KIF20B: variants seen among roughly 807,000 people sequenced by gnomAD.
KIF20B encodes the protein kinesin family member 20B.
KIF20B carries 188 observed loss-of-function variants against 232.5 expected under a neutral mutation model. The observed-to-expected ratio is 0.81, with a 90% confidence interval of 0.72 to 0.91. The LOEUF is 0.91. Among genes scored for constraint, KIF20B ranks in the 40% least tolerant of loss-of-function variants. The pLI, the probability that KIF20B is intolerant of heterozygous loss-of-function variation, is 0.00. For synonymous variants in KIF20B, 712 were observed against 683.0 expected (o/e 1.04, Z -0.66); for missense variants, 2,154 against 2,055.9 (o/e 1.05, Z -0.92).
intron 11 of KIF20B, 64 bp downstream of exon 11, chr10:89,717,786 T>G (rs1842965713): frequency 8.1e-7 from 1 of 1,233,678 alleles, no homozygotes; most frequent in African/African-American, 1.5e-5. Flanking sequence ...TTCAACTTTT[T>G]TGTTTTTAGA....
intron 4 of KIF20B, 45 bp from the exon 5 acceptor site, chr10:89,709,882 T>C (rs1392756596): frequency 6.6e-7 from 1 of 1,515,886 alleles, no homozygotes; most frequent in Non-Finnish European, 8.9e-7. Context: ...CTATTAATAT[T>C]AACTTGAATT....
In KIF20B at chr10:89,718,691, C is replaced by T; in HGVS notation, c.1272-19C>T. The T allele has an allele frequency of 1.3e-6, 2 of 1,591,984 alleles. No individual in the cohort carries two copies. Among genetic ancestry groups the T allele is most frequent in the Non-Finnish European group, 1.7e-6 (2 of 1,168,670 alleles). On this transcript the variant is annotated intron_variant, in intron 11 of 32. Transcript: ENST00000371728. ...GATGTTTTTTAACTTACAATGTTTT[C>T]TGAAAATTTTTTCTGTAGGTTTCAA...
chr10:89,710,206 C>A, intron 5 of KIF20B, 141 bp downstream of exon 5: 4 of 564,578 alleles, frequency 7.1e-6, no homozygotes, highest in Non-Finnish European at 1.1e-5. Context: ...CATATTATTA[C>A]GTATTGCTGT....
chr10:89,751,463 T>A lies in KIF20B; in HGVS notation c.4214T>A (p.Leu1405Gln). 1 of 1,602,532 alleles carries A rather than the reference T, an allele frequency of 6.2e-7. No homozygotes were observed. The highest frequency in any genetic ancestry group is 8.5e-7 in the Non-Finnish European group (1 of 1,175,896). The change falls in exon 24 of 33, where the codon CTG becomes CAG. Residue 1405 changes from leucine to glutamine, a missense_variant. Transcript: ENST00000371728. The part of the protein sequence containing the change: ...LEAKLEEVER[L>Q]ATELEKWKEK... ...GCTAAATTAGAGGAAGTTGAAAGGC[T>A]GGCCACAGGTAAAACAAGATTGCTT... is the stretch of plus-strand genomic sequence containing the variant.
At chr10:89,705,513 G>C in intron 2 of KIF20B, 72 bp downstream of exon 2, 1 of 1,345,574 alleles carries the variant, frequency 7.4e-7, no homozygotes, top group Non-Finnish European at 1.0e-6. Context: ...ACAATGGCCT[G>C]TTTTTGTATT....
In KIF20B at chr10:89,751,262, A is replaced by T. The variant is rs577897243; in HGVS notation, c.4097-84A>T. 82 of 1,114,302 alleles carry T rather than the reference A, an allele frequency of 7.4e-5. No individual in the cohort carries two copies. The African/African-American group carries it at 1.0e-3, about 14-fold the overall frequency. 69.0% of individuals were successfully genotyped at this position (1,114,302 alleles called of 1,614,324 possible). On this transcript the variant is annotated intron_variant, in intron 23 of 32. Coordinates refer to ENST00000371728, the MANE Select transcript of KIF20B (RefSeq NM_001284259.2). ...TAATATTCTATTACAGTTAATAAAA[A>T]TGTATTTTAATTTTAGAAGAACTTA...
chr10:89,726,044 T>G (rs573989201), intron 15 of KIF20B, among the ~76,000 whole-genome samples: 51 of 152,346 alleles, frequency 3.3e-4, no homozygotes, highest in African/African-American at 1.2e-3. Flanking sequence ...ATCATAATTG[T>G]TCTATAATGA....
chr10:89,758,776 T>C lies in KIF20B; in HGVS notation c.4574T>C (p.Leu1525Pro). The change falls in exon 27 of 33, where the codon CTG becomes CCG. Residue 1525 changes from leucine (L) to proline (P), a missense_variant. Physicochemically the swap from Leu to Pro is moderately conservative, Grantham distance 98 (BLOSUM62 -3). Transcript: ENST00000371728. Reference sequence around the variant, plus strand: ...AAGTGGCGAGAAGAACGAGATCAACTGGTTGCAGCTTTAGAAATACAGCTA... The same window carrying C: ...AAGTGGCGAGAAGAACGAGATCAACCGGTTGCAGCTTTAGAAATACAGCTA... Reference protein sequence around the residue: ...LQKWREERDQLVAALEIQLKA... With the variant: ...LQKWREERDQPVAALEIQLKA... The C allele has an allele frequency of 1.2e-6, 2 of 1,608,630 alleles. No homozygotes were observed. The highest frequency in any genetic ancestry group is 1.1e-5 in the South Asian group (1 of 90,228).
At chr10:89,720,498 C>T (rs932993066) in intron 13 of KIF20B, among the ~76,000 whole-genome samples, 2 of 152,110 alleles carry the variant, frequency 1.3e-5, no homozygotes, top group African/African-American at 2.4e-5. Flanking sequence ...TACTTATAGA[C>T]CATGTGAGTA....
intron 3 of KIF20B, 41 bp from the exon 4 acceptor site, chr10:89,709,304 G>T (rs776677145): frequency 1.3e-6 from 2 of 1,585,654 alleles, no homozygotes; most frequent in African/African-American, 2.7e-5. Context: ...ATTTAAAATG[G>T]CAAAATACTA....
intron 30 of KIF20B, 29 bp from the exon 31 acceptor site, chr10:89,768,709 A>G (rs1251688146): frequency 6.4e-7 from 1 of 1,556,828 alleles, no homozygotes; most frequent in Admixed American, 2.1e-5. Flanking sequence ...CTTCTCATCA[A>G]CAATAACAAA....
chr10:89,738,212 TGAAA>T lies in KIF20B; in HGVS notation c.3375_3378del (p.Glu1126AsnfsTer16). 3 of 1,602,698 alleles carry T rather than the reference TGAAA, an allele frequency of 1.9e-6. No homozygotes were observed. The highest frequency in any genetic ancestry group is 2.5e-6 in the Non-Finnish European group (3 of 1,177,762). On this transcript the variant is annotated frameshift_variant, in exon 20 of 33. Transcript: ENST00000371728. LOFTEE classifies it high-confidence loss of function. ...GAAAAAGAAACTCTTATACAGCAGC[TGAAA>T]GAAGAATTGCAAGAAAAAAATGTTA...
intron 22 of KIF20B, among the ~76,000 whole-genome samples, chr10:89,745,479 C>T (rs952026804): frequency 3.9e-5 from 6 of 152,096 alleles, no homozygotes; most frequent in African/African-American, 1.2e-4. Context: ...GCCAAGATTG[C>T]GCCACTGCGC....
rs184153977 is a variant in KIF20B at position 89,704,537 on chromosome 10, A to C, written c.-1-757A>C. Among the ~76,000 whole-genome samples, 121 of 149,822 alleles carry C rather than the reference A, an allele frequency of 8.1e-4. 1 individual carries two copies. Among genetic ancestry groups the C allele is most frequent in the Non-Finnish European group, 1.3e-3 (89 of 67,670 alleles). On this transcript the variant is annotated intron_variant, in intron 1 of 32. Transcript: ENST00000371728. ...TTACTTGAATTTGAAATTGAAAACA[A>C]TTTTTCAGATAACTGAGTTTTGTTT...
intron 19 of KIF20B, among the ~76,000 whole-genome samples, chr10:89,736,198 C>T (rs141556648): frequency 3.3e-5 from 5 of 152,156 alleles, no homozygotes; most frequent in East Asian, 3.9e-4. Context: ...TTTCTAAAAA[C>T]GAAGAGTCAG....
rs959525156 is a variant in KIF20B at position 89,747,833 on chromosome 10, A to G, written c.4096+1874A>G. ...GCGCACCAGCATGTCACATGTATACATATGTAACTAACCTGCACATTGTGC... is the reference window on the plus strand; with the variant it reads ...GCGCACCAGCATGTCACATGTATACGTATGTAACTAACCTGCACATTGTGC... On this transcript the variant is annotated intron_variant, in intron 23 of 32. Transcript: ENST00000371728. Among the ~76,000 whole-genome samples the G allele has an allele frequency of 6.6e-5, 10 of 152,090 alleles. No homozygotes were observed. In the East Asian group the frequency reaches 1.4e-3, roughly 21 times the overall value.
chr10:89,770,748 T>A (rs1205274636), intron 31 of KIF20B, among the ~76,000 whole-genome samples: 1 of 152,070 alleles, frequency 6.6e-6, no homozygotes, highest in Non-Finnish European at 1.5e-5. Context: ...GATTAATTTT[T>A]AAAATTCTGC....
Position 89,711,081 on chromosome 10 carries a change from TATC to T in KIF20B, c.616_618del (p.Ser206del). 4.4e-6 allele frequency: 7 copies of T among 1,598,398 alleles called. No individual in the cohort carries two copies. Among genetic ancestry groups the T allele is most frequent in the Non-Finnish European group, 6.0e-6 (7 of 1,171,222 alleles). Reference sequence around the variant, plus strand: ...CATAGATCCAGAGAATACTTAAGGTTATCATCAGAACAAGAGAAAGAAGAAATT... The same window carrying T: ...CATAGATCCAGAGAATACTTAAGGTTATCAGAACAAGAGAAAGAAGAAATT... On this transcript the variant is annotated inframe_deletion, in exon 6 of 33. Coordinates refer to ENST00000371728, the MANE Select transcript of KIF20B (RefSeq NM_001284259.2).
intron 13 of KIF20B, among the ~76,000 whole-genome samples, chr10:89,720,929 C>G (rs776473828): frequency 1.3e-5 from 2 of 152,072 alleles, no homozygotes; most frequent in Non-Finnish European, 2.9e-5. Flanking sequence ...AGGCTGGTCT[C>G]GAACTCCTGA....
Sources: allele counts gnomAD v4.1 joint callset (sites outside exome capture counted in the v4.1 genomes callset), GRCh38; gene constraint gnomAD v4.1.1; transcripts MANE v1.5; gene names NCBI Gene and HGNC (gene_info 2026-07-23, HGNC 2026-07-21).